The following L3MBTL4 variants were observed in gnomAD, a reference collection of about 807,000 sequenced individuals.
L3MBTL4 encodes lethal(3)malignant brain tumor-like protein 4.
In L3MBTL4, 70 loss-of-function variants were observed where a neutral mutation model predicts 84.5. That is an observed-to-expected ratio of 0.83 (90% CI 0.68 to 1.01). The LOEUF is 1.01. L3MBTL4 is among the 50% of genes least tolerant of loss of function. The pLI is 0.00. For synonymous variants in L3MBTL4, 274 were observed against 259.8 expected (o/e 1.05, Z -0.52); for missense variants, 715 against 754.8 (o/e 0.95, Z 0.62).
intron 4 of L3MBTL4, among the ~76,000 whole-genome samples, chr18:6,280,962 C>A (rs901546778): frequency 6.6e-6 from 1 of 152,174 alleles, no homozygotes; most frequent in African/African-American, 2.4e-5. Context: ...CCACATCACA[C>A]TTCTAACCTA....
At chr18:6,318,072 C>T (rs2051200317) in intron 1 of L3MBTL4, among the ~76,000 whole-genome samples, 1 of 151,902 alleles carries the variant, frequency 6.6e-6, no homozygotes, top group East Asian at 1.9e-4. Context: ...TTGTCAGTAC[C>T]CCAGACCAGC....
At chr18:6,144,004 T>C (rs2042534814) in intron 13 of L3MBTL4, among the ~76,000 whole-genome samples, 1 of 152,038 alleles carries the variant, frequency 6.6e-6, no homozygotes, top group Admixed American at 6.5e-5. Context: ...GAGACTATCC[T>C]GGCTAACACG....
At position 5,991,647 on chromosome 18, in the gene L3MBTL4, T is replaced by G. The variant is rs967031000; in HGVS notation, c.1445-22085A>C. On this transcript the variant is annotated intron_variant, in intron 16 of 18. Coordinates refer to ENST00000317931, the MANE Select transcript of L3MBTL4 (RefSeq NM_001330559.2). ...AAAATTCACAGCTGCCGTGTCAAGA[T>G]TTTTAAAAAATTGAATTTAAAAGAA... Among the ~76,000 whole-genome samples, 3 of 152,232 alleles carry G rather than the reference T, an allele frequency of 2.0e-5. No individual in the cohort carries two copies. The East Asian group carries it at 5.8e-4, about 29-fold the overall frequency.
chr18:6,325,286 G>A (rs1025191176), intron 1 of L3MBTL4, among the ~76,000 whole-genome samples: 1 of 152,128 alleles, frequency 6.6e-6, no homozygotes, highest in African/African-American at 2.4e-5. Flanking sequence ...AATCAACTGC[G>A]ACTACATATG....
Position 6,034,529 on chromosome 18 carries a change from T to A in L3MBTL4, c.1444+46352A>T, listed in dbSNP as rs1328830990. On this transcript the variant is annotated intron_variant, in intron 16 of 18. Transcript: ENST00000317931. ...TCCATGGTGTATATGTGCCACATTT[T>A]CTTAATCCAGTCTATCATTGTTGGA... is the stretch of plus-strand genomic sequence containing the variant. Among the ~76,000 whole-genome samples the A allele has an allele frequency of 5.3e-5, 8 of 152,346 alleles. No homozygotes were observed. In the South Asian group the frequency reaches 1.7e-3, roughly 32 times the overall value.
chr18:5,993,103 G>A (rs2053778024), intron 16 of L3MBTL4, among the ~76,000 whole-genome samples: 1 of 152,142 alleles, frequency 6.6e-6, no homozygotes, highest in Admixed American at 6.5e-5. Context: ...GGTGGCCCTG[G>A]TGACCTCGTG....
chr18:6,148,094 A>C (rs1162088015), intron 13 of L3MBTL4, among the ~76,000 whole-genome samples: 1 of 152,194 alleles, frequency 6.6e-6, no homozygotes, highest in East Asian at 1.9e-4. Flanking sequence ...AGCCATTGTA[A>C]GGATTAGGAA....
chr18:6,293,622 T>C (rs1195656554), intron 4 of L3MBTL4, among the ~76,000 whole-genome samples: 1 of 152,212 alleles, frequency 6.6e-6, no homozygotes, highest in African/African-American at 2.4e-5. Context: ...ATTGTGACTT[T>C]ATAGTGGAAA....
chr18:6,279,021 G>A (rs183205371), intron 4 of L3MBTL4, among the ~76,000 whole-genome samples: 8 of 152,190 alleles, frequency 5.3e-5, no homozygotes, highest in South Asian at 2.1e-4. Flanking sequence ...AAAATTGGGG[G>A]CAGGGGCGGT....
chr18:6,005,299 T>C (rs1221873917), intron 16 of L3MBTL4, among the ~76,000 whole-genome samples: 1 of 151,750 alleles, frequency 6.6e-6, no homozygotes, highest in Non-Finnish European at 1.5e-5. Context: ...TGAGCTGAGA[T>C]CACACCACTG....
At chr18:6,037,453 T>C (rs1459293430) in intron 16 of L3MBTL4, among the ~76,000 whole-genome samples, 1 of 152,192 alleles carries the variant, frequency 6.6e-6, no homozygotes, top group Non-Finnish European at 1.5e-5. Context: ...AAAGGGAGGA[T>C]TCCTAGTGAT....
intron 16 of L3MBTL4, among the ~76,000 whole-genome samples, chr18:6,035,097 T>C (rs1282378214): frequency 6.6e-6 from 1 of 151,278 alleles, no homozygotes; most frequent in Non-Finnish European, 1.5e-5. Flanking sequence ...ATTTTGTGGG[T>C]TGCCTGTTCA....
intron 4 of L3MBTL4, among the ~76,000 whole-genome samples, chr18:6,271,615 T>TA (rs1049490329): frequency 2.0e-5 from 3 of 151,986 alleles, no homozygotes; most frequent in Non-Finnish European, 4.4e-5. Flanking sequence ...TAATAATCTG[T>TA]AAAAAACACA....
chr18:5,972,914 GAAT>G, intron 16 of L3MBTL4, among the ~76,000 whole-genome samples: 1 of 28,140 alleles, frequency 3.6e-5, no homozygotes, highest in Non-Finnish European at 7.2e-5. Flanking sequence ...GAATAGAATA[GAAT>G]AGAATAGAAT....
intron 16 of L3MBTL4, among the ~76,000 whole-genome samples, chr18:5,999,411 T>C (rs1463230638): frequency 6.6e-6 from 1 of 152,220 alleles, no homozygotes; most frequent in Non-Finnish European, 1.5e-5. Context: ...TTTCCACCTT[T>C]ATGCCCCCAC....
At chr18:6,022,050 A>ATTT (rs1372314121) in intron 16 of L3MBTL4, among the ~76,000 whole-genome samples, 1 of 152,168 alleles carries the variant, frequency 6.6e-6, no homozygotes, top group East Asian at 1.9e-4. Flanking sequence ...CCCTGGGCCA[A>ATTT]TTTCTAATAA....
intron 12 of L3MBTL4, among the ~76,000 whole-genome samples, chr18:6,204,528 C>T (rs1382936920): frequency 6.6e-6 from 1 of 152,214 alleles, no homozygotes; most frequent in East Asian, 1.9e-4. Flanking sequence ...ATATGTGCAT[C>T]CATATATACA....
intron 1 of L3MBTL4, among the ~76,000 whole-genome samples, chr18:6,340,365 C>A (rs544171654): frequency 3.3e-5 from 5 of 152,160 alleles, no homozygotes; most frequent in Admixed American, 6.5e-5. Context: ...TCACATTACC[C>A]ACATCACTTC....
At chr18:5,998,149 C>A (rs1305058800) in intron 16 of L3MBTL4, among the ~76,000 whole-genome samples, 1 of 152,198 alleles carries the variant, frequency 6.6e-6, no homozygotes, top group Non-Finnish European at 1.5e-5. Context: ...ATCCTTCCTG[C>A]CCCAAACTCT....
Sources: gnomAD v4.1 joint callset for allele counts (sites outside exome capture counted in the v4.1 genomes callset) on GRCh38, gnomAD v4.1.1 for gene constraint, MANE v1.5 for transcripts, NCBI Gene and HGNC (gene_info 2026-07-23, HGNC 2026-07-21) for gene names.